GAD1: variants seen among roughly 807,000 people sequenced by gnomAD.
The protein encoded by GAD1 is 67 kDa glutamic acid decarboxylase.
Under a neutral mutation model 75.2 loss-of-function variants are expected in GAD1, and 35 were observed. The observed-to-expected ratio is 0.47, with a 90% confidence interval of 0.36 to 0.62. GAD1 has a LOEUF of 0.62. Ranked by LOEUF, GAD1 falls within the 20% of genes least tolerant of loss-of-function variation. The probability of loss-of-function intolerance (pLI) is 0.00; values close to 1 mark genes in which losing one functional copy is unlikely to be tolerated. For synonymous variants in GAD1, 257 were observed against 271.9 expected, an observed-to-expected ratio of 0.95 and a Z score of 0.54; for missense variants, 490 against 758.5, an observed-to-expected ratio of 0.65 and a Z score of 4.16.
intron 3 of GAD1, among the ~76,000 whole-genome samples, chr2:170,824,682 C>A (rs1156526774): frequency 1.3e-5 from 2 of 152,130 alleles, no homozygotes; most frequent in Non-Finnish European, 1.5e-5. Context: ...TAGTGGTAGC[C>A]CTGAAGGCAG....
At chr2:170,829,174 G>A in intron 3 of GAD1, 1 of 435,558 alleles carries the variant, frequency 2.3e-6, no homozygotes, top group Non-Finnish European at 4.3e-6. Context: ...GGTCACTGGA[G>A]TGGAAGCTGT....
rs146266420 is a variant in GAD1, at chr2:170,825,894, G to T, written c.146-3581G>T. Among the ~76,000 whole-genome samples the T allele has an allele frequency of 5.6e-3, 851 of 152,008 alleles. 8 individuals are homozygous for T. The highest frequency in any genetic ancestry group is 0.035 in the South Asian group (168 of 4,804). ...TGTAGAGCAAGAGGGAGTACACTCG[G>T]CTTCATTCTCTGGGACCCCTTCTTA... On this transcript the variant is annotated intron_variant, in intron 3 of 16. Transcript: ENST00000358196.
chr2:170,829,745 T>C, intron 4 of GAD1, 112 bp downstream of exon 4: 4 of 1,203,584 alleles, frequency 3.3e-6, no homozygotes, highest in Non-Finnish European at 4.8e-6. Flanking sequence ...TTATTCTCTC[T>C]GAACCCACAT....
intron 11 of GAD1, among the ~76,000 whole-genome samples, chr2:170,848,513 GAAAAA>G (rs1702683350): frequency 6.9e-6 from 1 of 145,578 alleles, no homozygotes; most frequent in South Asian, 2.2e-4. Context: ...AAAAAAAAAA[GAAAAA>G]AGAAAAAGAA....
chr2:170,815,805 G>A (rs545898744), upstream of GAD1, among the ~76,000 whole-genome samples: 1 of 152,368 alleles, frequency 6.6e-6, no homozygotes, highest in African/African-American at 2.4e-5. Flanking sequence ...GCAAGCCGGC[G>A]CGTAACCGTC....
chr2:170,830,632 T>TC (rs1299266655), intron 4 of GAD1, among the ~76,000 whole-genome samples: 1 of 152,194 alleles, frequency 6.6e-6, no homozygotes, highest in Non-Finnish European at 1.5e-5. Context: ...AGATGCCCCC[T>TC]CCATCACACT....
chr2:170,824,290 T>G (rs1701971236), intron 3 of GAD1, among the ~76,000 whole-genome samples: 1 of 152,114 alleles, frequency 6.6e-6, no homozygotes, highest in Non-Finnish European at 1.5e-5. Context: ...TTCCACACCT[T>G]GAGACAACTT....
At chr2:170,835,411 A>G (rs955064929) in intron 5 of GAD1, among the ~76,000 whole-genome samples, 1 of 152,212 alleles carries the variant, frequency 6.6e-6, no homozygotes, top group Non-Finnish European at 1.5e-5. Flanking sequence ...GCCCAGCACC[A>G]TATCTATCAT....
intron 12 of GAD1, among the ~76,000 whole-genome samples, chr2:170,850,039 C>A (rs954642332): frequency 5.3e-5 from 8 of 152,206 alleles, no homozygotes; most frequent in African/African-American, 1.7e-4. Context: ...TTGATTCGTT[C>A]AGCATGTATT....
chr2:170,825,678 C>A (rs1383248805), intron 3 of GAD1, among the ~76,000 whole-genome samples: 1 of 152,232 alleles, frequency 6.6e-6, no homozygotes, highest in African/African-American at 2.4e-5. Context: ...GGTGAGGAAC[C>A]TGCAGCAGGA....
upstream of GAD1, among the ~76,000 whole-genome samples, chr2:170,815,107 A>G (rs991459326): frequency 3.9e-5 from 6 of 152,012 alleles, no homozygotes; most frequent in African/African-American, 7.3e-5. Context: ...TCGTTTAGGG[A>G]AGGCTCTAGG....
chr2:170,857,001 T>C lies in GAD1; in HGVS notation c.1414-17T>C, dbSNP rs1244777611. 2 of 1,607,086 alleles carry C rather than the reference T, an allele frequency of 1.2e-6. No homozygotes were observed. Among genetic ancestry groups the C allele is most frequent in the African/African-American group, 1.3e-5 (1 of 74,732 alleles). ...AGGGAAATGCAACCACAAACATGAC[T>C]TTTCTCTTTAAAACAGGGCACAGTG... On this transcript the variant is annotated splice_polypyrimidine_tract_variant and intron_variant, in intron 14 of 16. Transcript: ENST00000358196.
upstream of GAD1, chr2:170,813,256 A>G (rs1167501760): frequency 6.6e-6 from 1 of 152,016 alleles, no homozygotes; most frequent in East Asian, 1.9e-4. Flanking sequence ...GTCTGTTGGG[A>G]TGGGGGTGTG....
intron 5 of GAD1, 45 bp downstream of exon 5, chr2:170,831,237 C>T: frequency 6.2e-7 from 1 of 1,604,850 alleles, no homozygotes; most frequent in Non-Finnish European, 8.5e-7. Context: ...ACTTTGCCCT[C>T]CATCTCACCC....
rs907565916 is a variant in GAD1 at position 170,818,205 on chromosome 2, G to C, written c.-63-324G>C. On this transcript the variant is annotated intron_variant, in intron 1 of 16. Transcript: ENST00000358196. The surrounding 1 kb of genome is among the most constrained non-coding windows in gnomAD (Gnocchi z 5.9). Reference sequence around the variant, plus strand: ...CTAGCCTAGTCCCCCACACCCTTGCGTCTTGTACTGGCCTTGGACCCCCAC... The same window carrying C: ...CTAGCCTAGTCCCCCACACCCTTGCCTCTTGTACTGGCCTTGGACCCCCAC... 1 of 301,390 alleles carries C rather than the reference G, an allele frequency of 3.3e-6. No individual in the cohort carries two copies. The highest frequency in any genetic ancestry group is 4.5e-5 in the Admixed American group (1 of 22,322). 18.7% of individuals were successfully genotyped at this position (301,390 alleles called of 1,614,324 possible). A position where few individuals can be genotyped will look rare whatever the true frequency, so the allele number is the denominator to read the frequency against.
chr2:170,830,906 G>A, intron 4 of GAD1, 44 bp from the exon 5 acceptor site: 1 of 1,613,860 alleles, frequency 6.2e-7, no homozygotes, highest in Non-Finnish European at 8.5e-7. Context: ...AAGAAATCTA[G>A]ATATGAGTCA....
intron 3 of GAD1, among the ~76,000 whole-genome samples, chr2:170,823,295 G>T (rs1457577834): frequency 6.6e-6 from 1 of 152,230 alleles, no homozygotes; most frequent in African/African-American, 2.4e-5. Flanking sequence ...CTCTGCACCT[G>T]ATCTTCCCAG....
rs1224781502 is a variant in GAD1, at chr2:170,836,855, T to C, written c.610T>C (p.Trp204Arg). 1.2e-6 allele frequency: 2 copies of C among 1,613,906 alleles called. No individual in the cohort carries two copies. Residue 204 changes from tryptophan (W) to arginine (R), a missense_variant, in exon 6 of 17, where the codon TGG (tryptophan) becomes CGG (arginine). By Grantham distance (101) the Trp-to-Arg change is moderately radical. Coordinates refer to ENST00000358196, the MANE Select transcript of GAD1 (RefSeq NM_000817.3). ...GGATATTATTGGCCTAGCTGGAGAA[T>C]GGCTGACATCAACGGCCAATACCAA... ...GLDIIGLAGE[W>R]LTSTANTNMF... is the part of the protein sequence containing the mutation.
Position 170,836,802 on chromosome 2 carries a change from G to A in GAD1, c.557G>A (p.Arg186Gln). ...LKYGVRTGHP[R>Q]FFNQLSTGLD... ...TCTGTTTCCTATCTAGGTCATCCTC[G>A]ATTTTTCAACCAGCTCTCCACTGGA... The change falls in exon 6 of 17, where the codon CGA becomes CAA. Residue 186 changes from arginine (R) to glutamine (Q), a missense_variant. Physicochemically the swap from Arg to Gln is conservative, Grantham distance 43 (BLOSUM62 1). Transcript: ENST00000358196. 3 of 1,613,514 alleles carry A rather than the reference G, an allele frequency of 1.9e-6. No individual in the cohort carries two copies. Among genetic ancestry groups the A allele is most frequent in the East Asian group, 2.2e-5 (1 of 44,884 alleles).
Sources: allele counts gnomAD v4.1 joint callset (sites outside exome capture counted in the v4.1 genomes callset), GRCh38; gene constraint gnomAD v4.1.1; non-coding constraint Gnocchi (gnomAD v3.1); transcripts MANE v1.5; gene names NCBI Gene and HGNC (gene_info 2026-07-23, HGNC 2026-07-21).